The following TBL1X variants were observed in gnomAD, a reference collection of about 807,000 sequenced individuals.
TBL1X encodes the protein F-box-like/WD repeat-containing protein TBL1X.
A neutral mutation model predicts 50.7 loss-of-function variants in TBL1X; 10 were observed. The observed-to-expected ratio is 0.20, with a 90% CI of 0.12 to 0.33. TBL1X has a LOEUF of 0.33. Among genes scored for constraint, TBL1X ranks in the 10% least tolerant of loss-of-function variants. The pLI is 1.00. For synonymous variants in TBL1X, 190 were observed against 214.7 expected, an observed-to-expected ratio of 0.88 and a Z score of 1.01; for missense variants, 340 against 504.4, an observed-to-expected ratio of 0.67 and a Z score of 3.12.
At chrX:9,488,375 C>T (rs1359709790) in intron 1 of TBL1X, among the ~76,000 whole-genome samples, 2 of 111,695 alleles carry the variant, frequency 1.8e-5, no homozygotes, top group Non-Finnish European at 3.8e-5. Context: ...GGAGACTGGC[C>T]GCATTCCTGA....
chrX:9,642,403 G>C (rs186625964), intron 3 of TBL1X, among the ~76,000 whole-genome samples: 105 of 111,652 alleles, frequency 9.4e-4, no homozygotes, highest in African/African-American at 3.4e-3. Context: ...CCTATGCTGC[G>C]TGCTGCGTCT....
intron 5 of TBL1X, among the ~76,000 whole-genome samples, chrX:9,663,380 G>A (rs1251759026): frequency 2.7e-5 from 3 of 112,257 alleles, no homozygotes; most frequent in African/African-American, 3.2e-5. Flanking sequence ...CCACTCAGCT[G>A]TGAAAAGGAA....
rs200688499 is a variant in TBL1X, at chrX:9,585,999, A to G, written c.-130-54274A>G. On this transcript the variant is annotated intron_variant, in intron 2 of 17. Coordinates refer to ENST00000645353, the MANE Select transcript of TBL1X (RefSeq NM_005647.4). ...AAACAAAAAAACCAACCCAAAAAAT[A>G]GTAAGTGTTGGCAGGGATGTGGAGA... Among the ~76,000 whole-genome samples, 5 of 112,384 alleles carry G rather than the reference A, an allele frequency of 4.4e-5. No individual in the cohort carries two copies. In the East Asian group the frequency reaches 1.4e-3, roughly 31 times the overall value.
At chrX:9,562,432 G>A (rs2082329013) in intron 2 of TBL1X, among the ~76,000 whole-genome samples, 1 of 111,991 alleles carries the variant, frequency 8.9e-6, no homozygotes, top group South Asian at 3.7e-4. Context: ...TTGTTTAGAA[G>A]TACTGATTTT....
intron 2 of TBL1X, among the ~76,000 whole-genome samples, chrX:9,545,602 G>A (rs940579784): frequency 6.4e-5 from 7 of 109,124 alleles, no homozygotes; most frequent in Non-Finnish European, 1.1e-4. Flanking sequence ...TTCATGGATC[G>A]TTAAACATTT....
intron 1 of TBL1X, among the ~76,000 whole-genome samples, chrX:9,472,439 C>CTTT (rs63196061): frequency 7.8e-5 from 7 of 89,668 alleles, no homozygotes; most frequent in African/African-American, 2.5e-4. Flanking sequence ...TTTTTTCTTT[C>CTTT]TTTTTTTTTT....
chrX:9,561,445 A>G (rs746418839), intron 2 of TBL1X, among the ~76,000 whole-genome samples: 58 of 111,490 alleles, frequency 5.2e-4, no homozygotes, highest in African/African-American at 1.8e-3. Flanking sequence ...CTTTACTGTG[A>G]TGGAGACAGG....
chrX:9,545,970 T>G (rs1294928439), intron 2 of TBL1X, among the ~76,000 whole-genome samples: 1 of 111,856 alleles, frequency 8.9e-6, no homozygotes, highest in African/African-American at 3.3e-5. Context: ...TGAACAGTTT[T>G]GGCAGGAACG....
At chrX:9,648,670 G>A (rs1483018061) in intron 3 of TBL1X, among the ~76,000 whole-genome samples, 1 of 112,236 alleles carries the variant, frequency 8.9e-6, no homozygotes, top group Non-Finnish European at 1.9e-5. Flanking sequence ...CTTAGGAAAT[G>A]TCGCCCAGAC....
intron 2 of TBL1X, among the ~76,000 whole-genome samples, chrX:9,585,346 C>CCA (rs1555897447): frequency 3.2e-5 from 3 of 94,653 alleles, no homozygotes; most frequent in African/African-American, 1.2e-4. Flanking sequence ...CCCCTCCCCC[C>CCA]CCCGCCACAG....
In TBL1X at chrX:9,653,665, C is replaced by T. The variant is rs751198470; in HGVS notation, c.79C>T (p.His27Tyr). The change falls in exon 4 of 18, where the codon CAC (histidine) becomes TAC (tyrosine). Residue 27 changes from histidine to tyrosine, a missense_variant. By Grantham distance (83) the His-to-Tyr change is moderately conservative. This residue lies in a region of TBL1X where 41 missense variants were observed against 48.6 expected (regional missense o/e 0.84). Coordinates refer to ENST00000645353, the MANE Select transcript of TBL1X (RefSeq NM_005647.4). Reference protein sequence around the residue: ...GRGAMQSVLHHFQRLRGREGG... With the variant: ...GRGAMQSVLHYFQRLRGREGG... ...AGGGGCCATGCAGTCAGTCTTGCAC[C>T]ACTTTCAACGTTTGCGAGGGAGAGG... The T allele has an allele frequency of 1.4e-5, 16 of 1,170,427 alleles. No individual in the cohort carries two copies. In the African/African-American group the frequency reaches 2.7e-4, roughly 20 times the overall value.
intron 2 of TBL1X, among the ~76,000 whole-genome samples, chrX:9,549,933 C>T (rs772929197): frequency 1.3e-4 from 15 of 111,696 alleles, no homozygotes; most frequent in South Asian, 3.7e-4. Flanking sequence ...GCACCTTCTG[C>T]TCAGCTCCTG....
At chrX:9,476,265 G>A (rs1206855335) in intron 1 of TBL1X, among the ~76,000 whole-genome samples, 1 of 111,650 alleles carries the variant, frequency 9.0e-6, no homozygotes, top group Non-Finnish European at 1.9e-5. Flanking sequence ...AGTATATTTG[G>A]GAATATACCT....
At chrX:9,633,752 T>C (rs1484352971) in intron 2 of TBL1X, among the ~76,000 whole-genome samples, 1 of 112,236 alleles carries the variant, frequency 8.9e-6, no homozygotes, top group Non-Finnish European at 1.9e-5. Context: ...GAATGTTTAG[T>C]GACTGAGGTA....
At chrX:9,556,756 G>A (rs1445924053) in intron 2 of TBL1X, among the ~76,000 whole-genome samples, 1 of 109,977 alleles carries the variant, frequency 9.1e-6, no homozygotes, top group African/African-American at 3.3e-5. Context: ...TTTGCTGAAG[G>A]CTCGAGGGTT....
intron 2 of TBL1X, among the ~76,000 whole-genome samples, chrX:9,548,636 C>G (rs987885060): frequency 1.8e-5 from 2 of 112,241 alleles, no homozygotes; most frequent in African/African-American, 3.2e-5. Context: ...AGAACTGATC[C>G]AAAACCGTGA....
At chrX:9,546,530 CAAAA>C (rs1454117557) in intron 2 of TBL1X, among the ~76,000 whole-genome samples, 1 of 110,427 alleles carries the variant, frequency 9.1e-6, no homozygotes, top group Non-Finnish European at 1.9e-5. Flanking sequence ...AACAAACAAA[CAAAA>C]AAACCCCCAA....
intron 2 of TBL1X, among the ~76,000 whole-genome samples, chrX:9,570,945 C>T (rs199663145): frequency 3.6e-5 from 4 of 111,406 alleles, no homozygotes; most frequent in East Asian, 2.8e-4. Flanking sequence ...CCAAAGTGCT[C>T]GGATTACAGG....
chrX:9,544,297 C>G (rs930535170), intron 2 of TBL1X, among the ~76,000 whole-genome samples: 4 of 111,420 alleles, frequency 3.6e-5, no homozygotes, highest in African/African-American at 1.3e-4. Flanking sequence ...AAAGCGGGCT[C>G]CACTGGAGAT....
Sources: allele counts gnomAD v4.1 joint callset (sites outside exome capture counted in the v4.1 genomes callset), GRCh38; gene constraint gnomAD v4.1.1; regional missense constraint gnomAD v4.1.1; transcripts MANE v1.5; gene names NCBI Gene and HGNC (gene_info 2026-07-23, HGNC 2026-07-21).